OLFM2: variants seen among roughly 807,000 people sequenced by gnomAD.
OLFM2 encodes noelin-2.
A neutral mutation model predicts 43.9 loss-of-function variants in OLFM2; 20 were observed. The ratio of observed to expected loss-of-function variants is 0.46; its 90% CI spans 0.32 to 0.66. The LOEUF is 0.66. Among genes scored for constraint, OLFM2 ranks in the 30% least tolerant of loss-of-function variants. The pLI is 0.04. For missense variants in OLFM2, 416 were observed against 643.6 expected (o/e 0.65, Z 3.83); for synonymous variants, 268 against 278.6 (o/e 0.96, Z 0.38).
At chr19:9,932,936 T>C (rs55998601) in intron 1 of OLFM2, among the ~76,000 whole-genome samples, 3,634 of 152,226 alleles carry the variant, frequency 0.024, 110 homozygotes, top group Middle Eastern at 0.082. Flanking sequence ...GTTCTCCTGC[T>C]CTCTGGGTCA....
intron 1 of OLFM2, among the ~76,000 whole-genome samples, chr19:9,912,339 C>T (rs963944068): frequency 6.6e-6 from 1 of 152,110 alleles, no homozygotes; most frequent in African/African-American, 2.4e-5. Context: ...GCCTTCGACC[C>T]TAGGGAGCAA....
chr19:9,864,805 T>TG (rs1179313182), intron 1 of OLFM2, among the ~76,000 whole-genome samples: 1 of 148,850 alleles, frequency 6.7e-6, no homozygotes, highest in Non-Finnish European at 1.5e-5. Flanking sequence ...TTTTTTTTTT[T>TG]TTCCTTTTGT....
chr19:9,858,717 A>G (rs928022228), intron 2 of OLFM2, among the ~76,000 whole-genome samples: 4 of 152,188 alleles, frequency 2.6e-5, no homozygotes, highest in African/African-American at 9.7e-5. Flanking sequence ...CTCCACCTAG[A>G]TAAGTTGAAC....
chr19:9,914,327 C>T (rs1213969121), intron 1 of OLFM2, among the ~76,000 whole-genome samples: 2 of 152,118 alleles, frequency 1.3e-5, no homozygotes, highest in Admixed American at 1.3e-4. Flanking sequence ...TCGTGCGCTC[C>T]CATGAATCGG....
At chr19:9,908,867 G>A (rs914313348) in intron 1 of OLFM2, among the ~76,000 whole-genome samples, 6 of 151,926 alleles carry the variant, frequency 3.9e-5, no homozygotes, top group African/African-American at 1.5e-4. Flanking sequence ...GTGAGCCACC[G>A]TGCCTGGCTA....
rs142681921 is a variant in OLFM2, at chr19:9,899,351, C to G, written c.63+36953G>C. Among the ~76,000 whole-genome samples the G allele has an allele frequency of 3.0e-3, 451 of 152,138 alleles. 2 individuals are homozygous for G. Among genetic ancestry groups the G allele is most frequent in the African/African-American group, 0.01 (432 of 41,542 alleles). On this transcript the variant is annotated intron_variant, in intron 1 of 5. Coordinates refer to ENST00000264833, the MANE Select transcript of OLFM2 (RefSeq NM_058164.4). ...GTGTTCCCTGCCAACCTCTACAACT[C>G]CATTCTCTCTCCCTCTCCAGCCTTC...
intron 1 of OLFM2, among the ~76,000 whole-genome samples, chr19:9,876,435 CA>C (rs2046488848): frequency 1.3e-5 from 2 of 152,154 alleles, no homozygotes; most frequent in Non-Finnish European, 2.9e-5. Context: ...CAGGAGGTGA[CA>C]TTGATCAACC....
Position 9,898,996 on chromosome 19 carries a change from G to A in OLFM2, c.63+37308C>T, listed in dbSNP as rs945333786. Among the ~76,000 whole-genome samples, 30 of 152,144 alleles carry A rather than the reference G, an allele frequency of 2.0e-4. 1 individual carries two copies. Among genetic ancestry groups the A allele is most frequent in the African/African-American group, 7.2e-4 (30 of 41,426 alleles). On this transcript the variant is annotated intron_variant, in intron 1 of 5. Coordinates refer to ENST00000264833, the MANE Select transcript of OLFM2 (RefSeq NM_058164.4). The stretch of plus-strand genomic sequence containing the variant: ...GCAAATCGTCCAGCAGCTTCTCACT[G>A]CGTTTGGAATAAAAGCCAACAACTT...
chr19:9,854,786 C>T lies in OLFM2; in HGVS notation c.765G>A (p.Gln255=). ...GGGGCAGCAGGTGCTGGATAAAGTTCTGGCCTTTGATGAAGTCTCCCAGGG... is the reference window on the plus strand; with the variant it reads ...GGGGCAGCAGGTGCTGGATAAAGTTTTGGCCTTTGATGAAGTCTCCCAGGG... The part of the protein sequence containing the change: ...FRTLGDFIKG[Q]NFIQHLLPQP... Residue 255 remains glutamine, a synonymous_variant, in exon 6 of 6, where the codon CAG becomes CAA. Transcript: ENST00000264833. This position sits in a 1 kb window ranked among gnomAD's most constrained non-coding sequence, Gnocchi z 9.5. 6.2e-7 allele frequency: 1 copy of T among 1,611,404 alleles called. No individual in the cohort carries two copies. The highest frequency in any genetic ancestry group is 8.5e-7 in the Non-Finnish European group (1 of 1,177,940).
intron 1 of OLFM2, among the ~76,000 whole-genome samples, chr19:9,887,177 T>G (rs2046594964): frequency 6.6e-6 from 1 of 152,060 alleles, no homozygotes; most frequent in Non-Finnish European, 1.5e-5. Context: ...CAATTTTTCT[T>G]TTTCTTTCAT....
intron 1 of OLFM2, among the ~76,000 whole-genome samples, chr19:9,885,979 C>A (rs1173344309): frequency 4.0e-5 from 6 of 151,822 alleles, no homozygotes; most frequent in Non-Finnish European, 7.4e-5. Flanking sequence ...CACCTGTAGT[C>A]CCAGCTACAT....
chr19:9,870,787 G>T (rs1051982350), intron 1 of OLFM2, among the ~76,000 whole-genome samples: 1 of 152,116 alleles, frequency 6.6e-6, no homozygotes, highest in African/African-American at 2.4e-5. Flanking sequence ...CACCCGGGAG[G>T]TGGAGGTTGC....
At chr19:9,907,899 G>C (rs1053015947) in intron 1 of OLFM2, among the ~76,000 whole-genome samples, 3 of 152,026 alleles carry the variant, frequency 2.0e-5, no homozygotes, top group Non-Finnish European at 4.4e-5. Flanking sequence ...TAGCTACTTG[G>C]GAGGCTGAGG....
At chr19:9,894,461 G>A (rs2046665778) in intron 1 of OLFM2, among the ~76,000 whole-genome samples, 1 of 148,580 alleles carries the variant, frequency 6.7e-6, no homozygotes, top group South Asian at 2.1e-4. Context: ...TGTAATCCCA[G>A]CACTTTGGGA....
At chr19:9,913,644 C>A in intron 1 of OLFM2, 1 of 1,246,386 alleles carries the variant, frequency 8.0e-7, no homozygotes, top group East Asian at 4.2e-5. Context: ...GCCCCGCGGC[C>A]GCCCGCCGCG....
At position 9,927,160 on chromosome 19, in the gene OLFM2, T is replaced by G. The variant is rs181547214; in HGVS notation, c.63+9144A>C. On this transcript the variant is annotated intron_variant, in intron 1 of 5. Coordinates refer to ENST00000264833, the MANE Select transcript of OLFM2 (RefSeq NM_058164.4). ...AGCCAGGCGTGGTAGCACGCGCCTG[T>G]TAACCCAGTTCCTTGGGAGGCTGAG... Among the ~76,000 whole-genome samples, 3 of 151,778 alleles carry G rather than the reference T, an allele frequency of 2.0e-5. No homozygotes were observed. The East Asian group carries it at 5.8e-4, about 29-fold the overall frequency.
intron 1 of OLFM2, among the ~76,000 whole-genome samples, chr19:9,903,662 G>A (rs909109808): frequency 3.9e-5 from 6 of 152,172 alleles, no homozygotes; most frequent in Non-Finnish European, 7.3e-5. Flanking sequence ...TCCTGCTGAG[G>A]TCACATGGCA....
At chr19:9,863,987 C>G (rs2046382625) in intron 1 of OLFM2, among the ~76,000 whole-genome samples, 1 of 152,236 alleles carries the variant, frequency 6.6e-6, no homozygotes. Context: ...TCTCCGCCTT[C>G]CTTGTACTCA....
chr19:9,871,718 G>A lies in OLFM2; in HGVS notation c.64-10924C>T, dbSNP rs10422377. ...CCTCCTCCAAGCCCTGATCACAGTC[G>A]CCATTAGGAGGGCCTCACGGGTGGG... On this transcript the variant is annotated intron_variant, in intron 1 of 5. Coordinates refer to ENST00000264833, the MANE Select transcript of OLFM2 (RefSeq NM_058164.4). Among the ~76,000 whole-genome samples the A allele has an allele frequency of 8.2e-3, 1,250 of 152,224 alleles. 13 individuals carry two copies. The highest frequency in any genetic ancestry group is 0.029 in the African/African-American group (1,198 of 41,530).
Sources: gnomAD v4.1 joint callset for allele counts (sites outside exome capture counted in the v4.1 genomes callset) on GRCh38, gnomAD v4.1.1 for gene constraint, Gnocchi (gnomAD v3.1) non-coding constraint, MANE v1.5 for transcripts, NCBI Gene and HGNC (gene_info 2026-07-23, HGNC 2026-07-21) for gene names.